Variants in TPD52L1 observed in about 807,000 individuals in gnomAD.
The protein encoded by TPD52L1 is TPD52 like 1.
Under a neutral mutation model 28.7 loss-of-function variants are expected in TPD52L1, and 18 were observed. The observed-to-expected ratio is 0.63, with a 90% CI of 0.43 to 0.93. The LOEUF (loss-of-function observed/expected upper bound fraction) is 0.93. Among genes scored for constraint, TPD52L1 ranks in the 40% least tolerant of loss-of-function variants. TPD52L1 has a pLI of 0.00. For synonymous variants in TPD52L1, 75 were observed against 88.8 expected, an observed-to-expected ratio of 0.84 and a Z score of 0.88; for missense variants, 203 against 254.8, an observed-to-expected ratio of 0.80 and a Z score of 1.39.
chr6:125,159,520 G>T (rs964307891), intron 1 of TPD52L1, among the ~76,000 whole-genome samples: 3 of 152,144 alleles, frequency 2.0e-5, no homozygotes, highest in African/African-American at 7.2e-5. Flanking sequence ...ATTCAGGAGG[G>T]TTGGAGTCCA....
intron 5 of TPD52L1, 106 bp downstream of exon 5, chr6:125,253,861 T>C (rs1459231958): frequency 1.9e-6 from 2 of 1,079,332 alleles, no homozygotes; most frequent in African/African-American, 1.5e-5. Flanking sequence ...TGAAAGGAAA[T>C]TGCTGATGGT....
intron 1 of TPD52L1, among the ~76,000 whole-genome samples, chr6:125,183,920 G>A (rs1337020166): frequency 6.6e-6 from 1 of 152,102 alleles, no homozygotes; most frequent in Non-Finnish European, 1.5e-5. Flanking sequence ...GAAAAACTTT[G>A]TCTAAAATTA....
chr6:125,249,115 T>C (rs1216183239), intron 4 of TPD52L1, among the ~76,000 whole-genome samples: 1 of 151,274 alleles, frequency 6.6e-6, no homozygotes, highest in Non-Finnish European at 1.5e-5. Flanking sequence ...CCATAGTTTT[T>C]CATATTATAT....
intron 2 of TPD52L1, among the ~76,000 whole-genome samples, chr6:125,222,327 G>C (rs1204553446): frequency 6.6e-6 from 1 of 152,146 alleles, no homozygotes; most frequent in African/African-American, 2.4e-5. Flanking sequence ...ATGGGCCCCT[G>C]GTCACAGACA....
At chr6:125,156,920 T>A (rs1790177032) in intron 1 of TPD52L1, among the ~76,000 whole-genome samples, 1 of 152,246 alleles carries the variant, frequency 6.6e-6, no homozygotes, top group Non-Finnish European at 1.5e-5. Context: ...TTTATTTGCC[T>A]AGCATTTTAA....
chr6:125,158,149 T>C (rs543520168), intron 1 of TPD52L1, among the ~76,000 whole-genome samples: 155 of 152,266 alleles, frequency 1.0e-3, no homozygotes, highest in African/African-American at 3.7e-3. Context: ...TCTCTCTCTC[T>C]CTCAAGACCT....
chr6:125,232,470 T>A lies in TPD52L1; in HGVS notation c.284+3204T>A, dbSNP rs149655294. Among the ~76,000 whole-genome samples the A allele has an allele frequency of 1.6e-3, 250 of 152,272 alleles. 3 individuals carry two copies. The highest frequency in any genetic ancestry group is 5.8e-3 in the African/African-American group (239 of 41,562). ...ATTCCAGGACAAAATCTGCACCTCATCTGATGAAAAATTTGATGTGAAGAA... is the reference window on the plus strand; with the variant it reads ...ATTCCAGGACAAAATCTGCACCTCAACTGATGAAAAATTTGATGTGAAGAA... On this transcript the variant is annotated intron_variant, in intron 3 of 6. Coordinates refer to ENST00000534000, the MANE Select transcript of TPD52L1 (RefSeq NM_003287.4).
intron 1 of TPD52L1, among the ~76,000 whole-genome samples, chr6:125,175,344 A>C (rs73771253): frequency 0.049 from 7,386 of 152,262 alleles, 417 homozygotes; most frequent in East Asian, 0.33. Flanking sequence ...TTTTATAAGA[A>C]ATGAATAGTT....
At chr6:125,220,259 T>C (rs1795148898) in intron 2 of TPD52L1, 66 bp downstream of exon 2, 1 of 1,026,364 alleles carries the variant, frequency 9.7e-7, no homozygotes, top group African/African-American at 1.6e-5. Flanking sequence ...ATTAGTTTGA[T>C]ATAATAATTG....
At chr6:125,216,692 T>C (rs1200502585) in intron 1 of TPD52L1, among the ~76,000 whole-genome samples, 1 of 151,772 alleles carries the variant, frequency 6.6e-6, no homozygotes, top group African/African-American at 2.4e-5. Context: ...TACTGTCTTC[T>C]AGGATGATCA....
At chr6:125,225,823 C>A (rs141432830) in intron 2 of TPD52L1, among the ~76,000 whole-genome samples, 1 of 152,300 alleles carries the variant, frequency 6.6e-6, no homozygotes, top group African/African-American at 2.4e-5. Flanking sequence ...CACAAGCAGT[C>A]TGGCTCCACC....
At chr6:125,215,861 A>ACTGTTGTTTATTCCCTGGAG (rs1245781895) in intron 1 of TPD52L1, among the ~76,000 whole-genome samples, 13 of 152,314 alleles carry the variant, frequency 8.5e-5, no homozygotes, top group African/African-American at 2.2e-4. Flanking sequence ...AGGACCTGGA[A>ACTGTTGTTTATTCCCTGGAG]CTGTTGTTTA....
At chr6:125,172,549 T>TATAA (rs1554202700) in intron 1 of TPD52L1, among the ~76,000 whole-genome samples, 4 of 92,084 alleles carry the variant, frequency 4.3e-5, no homozygotes, top group Admixed American at 1.3e-4. Flanking sequence ...TATATATATA[T>TATAA]ATAATATATA....
chr6:125,173,578 G>A (rs562703902), intron 1 of TPD52L1, among the ~76,000 whole-genome samples: 13 of 152,162 alleles, frequency 8.5e-5, no homozygotes, highest in Non-Finnish European at 1.2e-4. Flanking sequence ...TGGATTAGTC[G>A]CCCTTGGAGA....
rs1294185860 is a variant in TPD52L1 at position 125,172,525 on chromosome 6, TATATATA to T, written c.19+18556_19+18562del. ...CCCTCTTTCATGCTATATATATATA[TATATATA>T]TATATATATATATATATATAATATA... On this transcript the variant is annotated intron_variant, in intron 1 of 6. Transcript: ENST00000534000. 9.8e-5 allele frequency among the ~76,000 whole-genome samples: 7 copies of T among 71,196 alleles called. 1 individual carries two copies. Among genetic ancestry groups the T allele is most frequent in the African/African-American group, 3.1e-4 (4 of 13,112 alleles). The allele number at this position is 71,196 out of a possible 152,430, so 46.7% of individuals were successfully genotyped here. A position where few individuals can be genotyped will look rare whatever the true frequency, so the allele number is the denominator to read the frequency against.
In TPD52L1 at chr6:125,244,479, C is replaced by T. The variant is rs117706629; in HGVS notation, c.285-3803C>T. ...CTGCCAGGTCAGCAGGAAAGCTACTCACCTCACAGCCTTATTCCTGTCCCA... is the reference window on the plus strand; with the variant it reads ...CTGCCAGGTCAGCAGGAAAGCTACTTACCTCACAGCCTTATTCCTGTCCCA... On this transcript the variant is annotated intron_variant, in intron 3 of 6. Coordinates refer to ENST00000534000, the MANE Select transcript of TPD52L1 (RefSeq NM_003287.4). Among the ~76,000 whole-genome samples, 137 of 152,338 alleles carry T rather than the reference C, an allele frequency of 9.0e-4. 1 individual carries two copies. The East Asian group carries it at 0.015, about 17-fold the overall frequency.
At chr6:125,196,435 C>T (rs561571367) in intron 1 of TPD52L1, among the ~76,000 whole-genome samples, 1 of 152,290 alleles carries the variant, frequency 6.6e-6, no homozygotes, top group South Asian at 2.1e-4. Flanking sequence ...TTGGCATGTG[C>T]CCTGCAAATG....
chr6:125,244,194 T>C (rs1796786459), intron 3 of TPD52L1, among the ~76,000 whole-genome samples: 1 of 152,188 alleles, frequency 6.6e-6, no homozygotes, highest in African/African-American at 2.4e-5. Flanking sequence ...AGGTATCTCT[T>C]GAAGCTTATC....
In TPD52L1 at chr6:125,264,030, G is replaced by A. The variant is rs1280947123; in HGVS notation, c.*1068G>A. On this transcript the variant is annotated 3_prime_UTR_variant, in exon 7 of 7. Coordinates refer to ENST00000534000, the MANE Select transcript of TPD52L1 (RefSeq NM_003287.4). The stretch of plus-strand genomic sequence containing the variant: ...TCAGATAAAGGATATCCAAAAAAGA[G>A]ATAGCTAGAAAATGGGAGAAGCAGA... 1.3e-5 allele frequency: 2 copies of A among 152,166 alleles called. No individual in the cohort carries two copies. Among genetic ancestry groups the A allele is most frequent in the African/African-American group, 4.8e-5 (2 of 41,438 alleles). 9.4% of individuals were successfully genotyped at this position (152,166 alleles called of 1,614,324 possible).
Sources: gnomAD v4.1 joint callset for allele counts (sites outside exome capture counted in the v4.1 genomes callset) on GRCh38, gnomAD v4.1.1 for gene constraint, MANE v1.5 for transcripts, NCBI Gene and HGNC (gene_info 2026-07-23, HGNC 2026-07-21) for gene names.